The following EHMT1 variants were observed in gnomAD, a reference collection of about 807,000 sequenced individuals.
The protein encoded by EHMT1 is histone-lysine N-methyltransferase EHMT1.
Under a neutral mutation model 147.2 loss-of-function variants are expected in EHMT1, and 15 were observed. The observed-to-expected ratio is 0.10, with a 90% CI of 0.07 to 0.16. EHMT1 has a LOEUF of 0.16. Ranked by LOEUF, EHMT1 falls within the 10% of genes least tolerant of loss-of-function variation. The pLI, the probability that EHMT1 is intolerant of heterozygous loss-of-function variation, is 1.00. For missense variants in EHMT1, 1,587 were observed against 1,772.4 expected, an observed-to-expected ratio of 0.90 and a Z score of 1.88; for synonymous variants, 795 against 709.6, an observed-to-expected ratio of 1.12 and a Z score of -1.91.
chr9:137,818,548 C>T (rs71510841), intron 25 of EHMT1, among the ~76,000 whole-genome samples: 81 of 139,738 alleles, frequency 5.8e-4, no homozygotes, highest in East Asian at 3.0e-3. Flanking sequence ...GTAGAGAGGC[C>T]GACTGAGGGG....
chr9:137,819,658 G>T (rs1955241725), intron 25 of EHMT1, among the ~76,000 whole-genome samples: 1 of 146,028 alleles, frequency 6.8e-6, no homozygotes, highest in Non-Finnish European at 1.5e-5. Context: ...GCTGAGGGGG[G>T]GGGCGCCGTG....
intron 1 of EHMT1, among the ~76,000 whole-genome samples, chr9:137,652,559 T>A (rs1937959855): frequency 6.6e-6 from 1 of 151,668 alleles, no homozygotes; most frequent in South Asian, 2.1e-4. Context: ...CTAGTTTTTT[T>A]ATTTTTAGTA....
chr9:137,765,139 G>A (rs1451644465), intron 10 of EHMT1, among the ~76,000 whole-genome samples: 1 of 152,224 alleles, frequency 6.6e-6, no homozygotes, highest in East Asian at 1.9e-4. Flanking sequence ...TTCATTCAAA[G>A]TTTCAAAATG....
chr9:137,721,966 C>T (rs776841758), intron 3 of EHMT1, among the ~76,000 whole-genome samples: 1 of 148,158 alleles, frequency 6.7e-6, no homozygotes, highest in Admixed American at 6.6e-5. Context: ...AGCCCTAGAT[C>T]TCAATTTCTC....
chr9:137,623,041 T>C (rs558787721), intron 1 of EHMT1, among the ~76,000 whole-genome samples: 1 of 151,426 alleles, frequency 6.6e-6, no homozygotes, highest in Non-Finnish European at 1.5e-5. Flanking sequence ...TGAAACCCTG[T>C]CTCTGCTAAA....
At chr9:137,628,071 T>C (rs1843383136) in intron 1 of EHMT1, among the ~76,000 whole-genome samples, 1 of 152,200 alleles carries the variant, frequency 6.6e-6, no homozygotes, top group African/African-American at 2.4e-5. Context: ...AGAAGACCAG[T>C]ACTTGCTTGA....
At chr9:137,709,963 C>T (rs1265891137) in intron 1 of EHMT1, among the ~76,000 whole-genome samples, 1 of 152,190 alleles carries the variant, frequency 6.6e-6, no homozygotes, top group Non-Finnish European at 1.5e-5. Context: ...GCATCTCCAA[C>T]TGCCCAGAGT....
intron 1 of EHMT1, among the ~76,000 whole-genome samples, chr9:137,674,648 AT>A (rs1056042730): frequency 1.3e-5 from 2 of 152,222 alleles, no homozygotes; most frequent in Non-Finnish European, 1.5e-5. Flanking sequence ...CTTAGAGTAT[AT>A]TCTTCCAGTA....
At chr9:137,680,037 C>G (rs1218947355) in intron 1 of EHMT1, among the ~76,000 whole-genome samples, 1 of 152,126 alleles carries the variant, frequency 6.6e-6, no homozygotes, top group Non-Finnish European at 1.5e-5. Flanking sequence ...TGTGAAATGC[C>G]TCTACGTTGT....
intron 3 of EHMT1, among the ~76,000 whole-genome samples, chr9:137,724,842 TCGTGTGGCAGA>T (rs1199685179): frequency 4.6e-5 from 7 of 150,956 alleles, no homozygotes; most frequent in East Asian, 2.0e-4. Flanking sequence ...CTTGTGGCAT[TCGTGTGGCAGA>T]CGTGTGGCAT....
At chr9:137,645,969 T>A (rs1356081890) in intron 1 of EHMT1, among the ~76,000 whole-genome samples, 1 of 152,160 alleles carries the variant, frequency 6.6e-6, no homozygotes, top group Non-Finnish European at 1.5e-5. Context: ...ATTTTTACTT[T>A]TTTTTTTGAG....
intron 1 of EHMT1, among the ~76,000 whole-genome samples, chr9:137,629,850 A>G (rs764399891): frequency 3.3e-5 from 5 of 152,176 alleles, no homozygotes; most frequent in African/African-American, 7.2e-5. Flanking sequence ...ATTAGAGCCC[A>G]GTTAATTTGG....
chr9:137,679,154 T>A (rs1218007901), intron 1 of EHMT1, among the ~76,000 whole-genome samples: 1 of 152,178 alleles, frequency 6.6e-6, no homozygotes, highest in African/African-American at 2.4e-5. Flanking sequence ...TTTCACCATG[T>A]TGGCCAGGCT....
chr9:137,745,905 C>T, intron 6 of EHMT1: 1 of 203,246 alleles, frequency 4.9e-6, no homozygotes, highest in Non-Finnish European at 9.8e-6. Context: ...TCCAGCAGCT[C>T]TTCATTGCTG....
intron 3 of EHMT1, among the ~76,000 whole-genome samples, chr9:137,726,723 A>G (rs1404402545): frequency 6.6e-6 from 1 of 152,212 alleles, no homozygotes; most frequent in Non-Finnish European, 1.5e-5. Flanking sequence ...ACTTCCTACC[A>G]GCAGTGCACA....
intron 10 of EHMT1, chr9:137,764,658 A>G (rs1950097820): frequency 6.6e-6 from 1 of 152,224 alleles, no homozygotes; most frequent in Admixed American, 6.5e-5. Context: ...ATTTCCTGTT[A>G]TTATTTAGTG....
intron 1 of EHMT1, among the ~76,000 whole-genome samples, chr9:137,649,458 T>TCAAACAAACAAA (rs113684662): frequency 1.7e-4 from 25 of 149,984 alleles, no homozygotes; most frequent in African/African-American, 5.9e-4. Flanking sequence ...AGACTCCGAC[T>TCAAACAAACAAA]CAAACAAACA....
chr9:137,716,906 C>T lies in EHMT1; in HGVS notation c.366C>T (p.Ser122=). The T allele has an allele frequency of 6.2e-7, 1 of 1,613,094 alleles. No homozygotes were observed. The highest frequency in any genetic ancestry group is 8.5e-7 in the Non-Finnish European group (1 of 1,179,886). The part of the protein sequence containing the change: ...DDFVQTSVIG[S]NGYILNKPAL... Reference sequence around the variant, plus strand: ...TTGTGCAGACTTCTGTCATCGGCAGCAACGGATACATCTTAAATAAGCCGG... The same window carrying T: ...TTGTGCAGACTTCTGTCATCGGCAGTAACGGATACATCTTAAATAAGCCGG... The change falls in exon 3 of 27, where the codon AGC becomes AGT. Residue 122 remains serine (S), a synonymous_variant. Transcript: ENST00000460843.
chr9:137,757,461 T>C (rs1949464996), intron 8 of EHMT1, among the ~76,000 whole-genome samples: 3 of 152,288 alleles, frequency 2.0e-5, no homozygotes, highest in Admixed American at 1.3e-4. Context: ...TTAGCTACTT[T>C]ACATCTGATC....
Sources: gnomAD v4.1 joint callset for allele counts (sites outside exome capture counted in the v4.1 genomes callset) on GRCh38, gnomAD v4.1.1 for gene constraint, MANE v1.5 for transcripts, NCBI Gene and HGNC (gene_info 2026-07-23, HGNC 2026-07-21) for gene names.